GRIK1: variants seen among roughly 807,000 people sequenced by gnomAD.
GRIK1 encodes glutamate ionotropic receptor kainate type subunit 1.
In GRIK1, 69 loss-of-function variants were observed where a neutral mutation model predicts 105.7. That is an observed-to-expected ratio of 0.65 (90% confidence interval 0.54 to 0.80). GRIK1 has a LOEUF of 0.80. GRIK1 is among the 30% of genes least tolerant of loss of function. The pLI, the probability that GRIK1 is intolerant of heterozygous loss-of-function variation, is 0.00. For synonymous variants in GRIK1, 438 were observed against 431.3 expected, an observed-to-expected ratio of 1.02 and a Z score of -0.19; for missense variants, 1,109 against 1,167.3, an observed-to-expected ratio of 0.95 and a Z score of 0.73.
At chr21:29,740,229 T>C (rs1438189688) in intron 1 of GRIK1, among the ~76,000 whole-genome samples, 3 of 151,798 alleles carry the variant, frequency 2.0e-5, no homozygotes, top group Admixed American at 6.6e-5. Flanking sequence ...TTTCTTTTTT[T>C]TTTTTTTGAG....
chr21:29,589,180 G>GC (rs1423073055), intron 10 of GRIK1, 138 bp from the exon 11 acceptor site: 2 of 616,480 alleles, frequency 3.2e-6, no homozygotes, highest in Non-Finnish European at 5.8e-6. Flanking sequence ...TCATCTGCCT[G>GC]CCTATGTCCT....
chr21:29,720,903 C>T (rs1412027736), intron 1 of GRIK1, among the ~76,000 whole-genome samples: 1 of 152,084 alleles, frequency 6.6e-6, no homozygotes, highest in Non-Finnish European at 1.5e-5. Flanking sequence ...AAAAGGAATG[C>T]AATATTCTAG....
At chr21:29,653,631 G>T (rs1601379705) in intron 5 of GRIK1, among the ~76,000 whole-genome samples, 1 of 152,328 alleles carries the variant, frequency 6.6e-6, no homozygotes, top group Middle Eastern at 3.4e-3. Flanking sequence ...GTGATGGGAA[G>T]AACCATATTT....
chr21:29,607,397 A>AT (rs893642498), intron 7 of GRIK1, among the ~76,000 whole-genome samples: 1 of 150,304 alleles, frequency 6.7e-6, no homozygotes, highest in Admixed American at 6.6e-5. Flanking sequence ...ATCTCTGGAA[A>AT]TTAAAAAAAA....
At chr21:29,579,967 A>G (rs1342291844) in intron 13 of GRIK1, among the ~76,000 whole-genome samples, 2 of 123,274 alleles carry the variant, frequency 1.6e-5, no homozygotes, top group South Asian at 2.1e-4. Flanking sequence ...GTGTGTGTGT[A>G]TATATATATA....
intron 1 of GRIK1, among the ~76,000 whole-genome samples, chr21:29,923,386 A>G (rs548835713): frequency 1.3e-5 from 2 of 152,228 alleles, no homozygotes; most frequent in Non-Finnish European, 2.9e-5. Context: ...AAACATTGTA[A>G]TAATAAACAT....
chr21:29,610,589 A>G (rs1360563167), intron 7 of GRIK1, among the ~76,000 whole-genome samples: 2 of 152,314 alleles, frequency 1.3e-5, no homozygotes, highest in African/African-American at 2.4e-5. Flanking sequence ...TGTGAAAGGC[A>G]AGGGAACTGA....
intron 1 of GRIK1, among the ~76,000 whole-genome samples, chr21:29,916,107 T>C (rs1290354896): frequency 9.0e-6 from 1 of 111,446 alleles, no homozygotes; most frequent in Non-Finnish European, 1.8e-5. Flanking sequence ...CTTACAGTTA[T>C]CTAGTTTCTT....
chr21:29,773,783 C>A (rs753580580), intron 1 of GRIK1, among the ~76,000 whole-genome samples: 1 of 152,170 alleles, frequency 6.6e-6, no homozygotes, highest in Non-Finnish European at 1.5e-5. Flanking sequence ...AACATCTCAG[C>A]ACATTTGTAA....
Position 29,770,479 on chromosome 21 carries a change from A to G in GRIK1, c.119-76416T>C, listed in dbSNP as rs547126626. 2.6e-5 allele frequency among the ~76,000 whole-genome samples: 4 copies of G among 152,320 alleles called. No homozygotes were observed. The South Asian group carries it at 8.3e-4, about 32-fold the overall frequency. On this transcript the variant is annotated intron_variant, in intron 1 of 17. Transcript: ENST00000327783. ...GACAAATGACTGCTAATATTCAGAT[A>G]TATAAAACATGCACATGTAGCCACC...
intron 7 of GRIK1, among the ~76,000 whole-genome samples, chr21:29,609,638 GCTT>G (rs2061689754): frequency 6.6e-6 from 1 of 152,128 alleles, no homozygotes; most frequent in Admixed American, 6.6e-5. Flanking sequence ...AGAGGAAGTT[GCTT>G]CTTTTTTTCT....
Position 29,642,051 on chromosome 21 carries a change from T to G in GRIK1, c.1098+775A>C, listed in dbSNP as rs139000632. ...ATATTAGAATAGCATCTCAGAGCAT[T>G]GCGCATACTCAGGCCTAGCTACTCC... is the stretch of plus-strand genomic sequence containing the variant. On this transcript the variant is annotated intron_variant, in intron 7 of 17. Transcript: ENST00000327783. 2.5e-4 allele frequency among the ~76,000 whole-genome samples: 38 copies of G among 152,306 alleles called. No individual in the cohort carries two copies. The East Asian group carries it at 7.0e-3, about 28-fold the overall frequency.
At chr21:29,822,391 G>A (rs1344663218) in intron 1 of GRIK1, among the ~76,000 whole-genome samples, 1 of 152,000 alleles carries the variant, frequency 6.6e-6, no homozygotes, top group Non-Finnish European at 1.5e-5. Context: ...AATAAGCATA[G>A]CCCAAAGCTG....
In GRIK1 at chr21:29,581,151, A is replaced by T. The variant is rs192161611; in HGVS notation, c.1912+274T>A. On this transcript the variant is annotated intron_variant, in intron 13 of 17. Transcript: ENST00000327783. ...CATCTCCATCTATGCAAATTTGTAAACGATTTCTAAGGTACCTTATCTTTT... is the reference window on the plus strand; with the variant it reads ...CATCTCCATCTATGCAAATTTGTAATCGATTTCTAAGGTACCTTATCTTTT... Among the ~76,000 whole-genome samples, 24 of 152,286 alleles carry T rather than the reference A, an allele frequency of 1.6e-4. No individual in the cohort carries two copies. In the East Asian group the frequency reaches 3.5e-3, roughly 22 times the overall value.
At chr21:29,745,780 A>T (rs544988837) in intron 1 of GRIK1, among the ~76,000 whole-genome samples, 2 of 152,364 alleles carry the variant, frequency 1.3e-5, no homozygotes, top group East Asian at 3.8e-4. Flanking sequence ...CAATCAAAGC[A>T]ACATTTTTAA....
At chr21:29,624,207 A>T (rs1050807549) in intron 7 of GRIK1, among the ~76,000 whole-genome samples, 1 of 152,142 alleles carries the variant, frequency 6.6e-6, no homozygotes, top group Non-Finnish European at 1.5e-5. Context: ...ATGCAGAAAA[A>T]TGTTTATTTT....
chr21:29,820,933 A>G (rs1467589619), intron 1 of GRIK1, among the ~76,000 whole-genome samples: 1 of 151,920 alleles, frequency 6.6e-6, no homozygotes, highest in African/African-American at 2.4e-5. Context: ...AATAATAACC[A>G]TAATTCCTAA....
chr21:29,731,849 T>C (rs2064634196), intron 1 of GRIK1, among the ~76,000 whole-genome samples: 1 of 152,220 alleles, frequency 6.6e-6, no homozygotes, highest in Non-Finnish European at 1.5e-5. Context: ...AAACTTCTTG[T>C]AAAGCATCAG....
intron 15 of GRIK1, among the ~76,000 whole-genome samples, chr21:29,561,362 T>C (rs1291872190): frequency 6.6e-6 from 1 of 152,074 alleles, no homozygotes; most frequent in African/African-American, 2.4e-5. Flanking sequence ...ATATTTGGGG[T>C]GAAATAATAA....
Sources: gnomAD v4.1 joint callset for allele counts (sites outside exome capture counted in the v4.1 genomes callset) on GRCh38, gnomAD v4.1.1 for gene constraint, MANE v1.5 for transcripts, NCBI Gene and HGNC (gene_info 2026-07-23, HGNC 2026-07-21) for gene names.